METTL18: variants seen among roughly 807,000 people sequenced by gnomAD.
METTL18 encodes histidine protein methyltransferase 1 homolog.
Under a neutral mutation model 19.6 loss-of-function variants are expected in METTL18, and 15 were observed. That is an observed-to-expected ratio of 0.77 (90% confidence interval 0.51 to 1.18). The LOEUF (loss-of-function observed/expected upper bound fraction) is 1.18, where lower values mean the gene tolerates loss of function less well. Among genes scored for constraint, METTL18 ranks in the 50% most tolerant of loss-of-function variants. The pLI, the probability that METTL18 is intolerant of heterozygous loss-of-function variation, is 0.00. For synonymous variants in METTL18, 131 were observed against 145.2 expected, an observed-to-expected ratio of 0.90 and a Z score of 0.70; for missense variants, 392 against 418.8, an observed-to-expected ratio of 0.94 and a Z score of 0.56.
intron 1 of METTL18, among the ~76,000 whole-genome samples, chr1:169,794,404 G>A (rs1208021874): frequency 2.0e-5 from 3 of 152,168 alleles, no homozygotes; most frequent in African/African-American, 7.2e-5. Context: ...GTCGAGAACA[G>A]CAGCCCTAAG....
rs747599147 is a variant in METTL18, at chr1:169,793,016, G to T, written c.680C>A (p.Thr227Asn). 1 of 1,614,032 alleles carries T rather than the reference G, an allele frequency of 6.2e-7. No individual in the cohort carries two copies. The highest frequency in any genetic ancestry group is 8.5e-7 in the Non-Finnish European group (1 of 1,180,006). ...DYNSMVIDEV[T>N]LPNVVANSTL... ...GGAGTTAGCTACTACATTAGGTAAGGTTACTTCATCAATCACCATACTGTT... is the reference window on the plus strand; with the variant it reads ...GGAGTTAGCTACTACATTAGGTAAGTTTACTTCATCAATCACCATACTGTT... Residue 227 changes from threonine to asparagine, a missense_variant, in exon 2 of 2, where the codon ACC becomes AAC. By Grantham distance (65) the Thr-to-Asn change is moderately conservative (BLOSUM62 0). Transcript: ENST00000310392.
At position 169,792,722 on chromosome 1, in the gene METTL18, G is replaced by A. The variant is rs16862686; in HGVS notation, c.974C>T (p.Ala325Val). 3,150 of 1,613,792 alleles carry A rather than the reference G, an allele frequency of 2.0e-3. 42 individuals carry two copies. In the African/African-American group the frequency reaches 0.033, roughly 17 times the overall value. ...ACCTCCACCTACACCAAAATAATGT[G>A]CTTTGCTGGCCAAAAGTACACGTCC... The part of the protein sequence containing the change: ...KNGRVLLASK[A>V]HYFGVGGGVH... Residue 325 changes from alanine to valine, a missense_variant, in exon 2 of 2, where the codon GCA becomes GTA. By Grantham distance (64) the Ala-to-Val change is moderately conservative. Transcript: ENST00000310392.
chr1:169,792,836 T>C lies in METTL18; in HGVS notation c.860A>G (p.Tyr287Cys), dbSNP rs757576940. Residue 287 changes from tyrosine (Y) to cysteine (C), a missense_variant, in exon 2 of 2, where the codon TAT becomes TGT. By Grantham distance (194) the Tyr-to-Cys change is radical. Transcript: ENST00000310392. ...GGTTTCTGAGGTGAGAATGAGATCATATTTTACAAAAAGTTTTTCACTACT... is the reference window on the plus strand; with the variant it reads ...GGTTTCTGAGGTGAGAATGAGATCACATTTTACAAAAAGTTTTTCACTACT... ...VLSSEKLFVK[Y>C]DLILTSETIY... 6 of 1,613,792 alleles carry C rather than the reference T, an allele frequency of 3.7e-6. No homozygotes were observed. The highest frequency in any genetic ancestry group is 1.7e-5 in the Admixed American group (1 of 59,962).
In METTL18 at chr1:169,793,268, C is replaced by T. The variant is rs761039508; in HGVS notation, c.428G>A (p.Gly143Glu). The T allele has an allele frequency of 1.4e-5, 23 of 1,613,992 alleles. No individual in the cohort carries two copies. Among genetic ancestry groups the T allele is most frequent in the Non-Finnish European group, 1.9e-5 (22 of 1,180,030 alleles). The change falls in exon 2 of 2, where the codon GGA becomes GAA. Residue 143 changes from glycine to glutamate, a missense_variant. Gly to Glu is a moderately conservative substitution (Grantham distance 98). Coordinates refer to ENST00000310392, the MANE Select transcript of METTL18 (RefSeq NM_033418.4). Reference protein sequence around the residue: ...KTILLKENFPGENIVSKSFSS... With the variant: ...KTILLKENFPEENIVSKSFSS... ...AAAGCTTTTTGAAACTATGTTTTCT[C>T]CAGGGAAGTTCTCTTTCAACAAGAT...
At position 169,793,201 on chromosome 1, in the gene METTL18, G is replaced by A. The variant is rs1242002537; in HGVS notation, c.495C>T (p.Gly165=). Residue 165 remains glycine, a synonymous_variant, in exon 2 of 2, where the codon GGC becomes GGT. Transcript: ENST00000310392. The part of the protein sequence containing the change: ...SDLITGVYEG[G]LKIWECTFDL... ...CAAAGGTACATTCCCAGATTTTTAA[G>A]CCTCCCTCATAAACACCTGTAATCA... 1.9e-6 allele frequency: 3 copies of A among 1,614,008 alleles called. No individual in the cohort carries two copies. Among genetic ancestry groups the A allele is most frequent in the Non-Finnish European group, 1.7e-6 (2 of 1,180,036 alleles).
In METTL18 at chr1:169,794,900, G is replaced by T. The variant is rs1054402378; in HGVS notation, c.-288C>A. On this transcript the variant is annotated 5_prime_UTR_variant, in exon 1 of 2. Coordinates refer to ENST00000310392, the MANE Select transcript of METTL18 (RefSeq NM_033418.4). ...AACGCCTCCTCCGGACCTAAATCGC[G>T]CACCAGTGAGTCGAGTCCTCCAGGG... is the stretch of plus-strand genomic sequence containing the variant. 5.3e-6 allele frequency: 3 copies of T among 566,030 alleles called. No individual in the cohort carries two copies. The Admixed American group carries it at 9.1e-5, about 17-fold the overall frequency. The allele number at this position is 566,030 out of a possible 1,614,324, so 35.1% of individuals were successfully genotyped here.
Position 169,794,876 on chromosome 1 carries a change from A to G in METTL18, c.-264T>C, listed in dbSNP as rs1650400962. The G allele has an allele frequency of 3.7e-6, 2 of 540,286 alleles. No homozygotes were observed. The highest frequency in any genetic ancestry group is 3.1e-5 in the Admixed American group (1 of 32,172). The allele number at this position is 540,286 out of a possible 1,614,324, so 33.5% of individuals were successfully genotyped here. A position where few individuals can be genotyped will look rare whatever the true frequency, so the allele number is the denominator to read the frequency against. On this transcript the variant is annotated 5_prime_UTR_variant, in exon 1 of 2. Coordinates refer to ENST00000310392, the MANE Select transcript of METTL18 (RefSeq NM_033418.4). ...CGCTTCTGAAAAAGCTCACCTCACA[A>G]CGCCTCCTCCGGACCTAAATCGCGC...
At position 169,793,052 on chromosome 1, in the gene METTL18, A is replaced by C. The variant is rs1261442397; in HGVS notation, c.644T>G (p.Phe215Cys). Residue 215 changes from phenylalanine (F) to cysteine (C), a missense_variant, in exon 2 of 2, where the codon TTT becomes TGT. Coordinates refer to ENST00000310392, the MANE Select transcript of METTL18 (RefSeq NM_033418.4). ...AATCACCATACTGTTATAATCTTGA[A>C]AGTGAATTTCTTTGGACCCTCCCTT... The part of the protein sequence containing the change: ...AFKGGSKEIH[F>C]QDYNSMVIDE... 6.2e-7 allele frequency: 1 copy of C among 1,614,038 alleles called. No individual in the cohort carries two copies. Among genetic ancestry groups the C allele is most frequent in the African/African-American group, 1.3e-5 (1 of 74,926 alleles).
chr1:169,793,460 A>G lies in METTL18; in HGVS notation c.236T>C (p.Leu79Pro). The change falls in exon 2 of 2, where the codon CTC (leucine) becomes CCC (proline). Residue 79 changes from leucine (L) to proline (P), a missense_variant. Transcript: ENST00000310392. The stretch of plus-strand genomic sequence containing the variant: ...GTTCCTTGAACTGCTGGCTGCACTG[A>G]GTGGACTGTCTGTGTCTTGAGAGGG... ...AAPSQDTDSP[L>P]SAASSSRNLE... 6.2e-7 allele frequency: 1 copy of G among 1,614,150 alleles called. No individual in the cohort carries two copies. Among genetic ancestry groups the G allele is most frequent in the Non-Finnish European group, 8.5e-7 (1 of 1,180,010 alleles).
Position 169,793,046 on chromosome 1 carries a change from T to C in METTL18, c.650A>G (p.Asp217Gly), listed in dbSNP as rs775410309. 3.1e-6 allele frequency: 5 copies of C among 1,614,194 alleles called. No individual in the cohort carries two copies. Among genetic ancestry groups the C allele is most frequent in the Non-Finnish European group, 4.2e-6 (5 of 1,180,028 alleles). The part of the protein sequence containing the change: ...KGGSKEIHFQ[D>G]YNSMVIDEVT... ...TTCATCAATCACCATACTGTTATAA[T>C]CTTGAAAGTGAATTTCTTTGGACCC... The change falls in exon 2 of 2, where the codon GAT becomes GGT. Residue 217 changes from aspartate (D) to glycine (G), a missense_variant. Asp to Gly is a moderately conservative substitution (Grantham distance 94). Transcript: ENST00000310392.
At position 169,793,372 on chromosome 1, in the gene METTL18, A is replaced by C. The variant is rs760951087; in HGVS notation, c.324T>G (p.Asp108Glu). The part of the protein sequence containing the change: ...RAAKEHAMPK[D>E]LKKMLENKVI... Reference sequence around the variant, plus strand: ...CTTTATTTTCTAACATCTTCTTTAAATCTTTAGGCATAGCATGCTCTTTGG... The same window carrying C: ...CTTTATTTTCTAACATCTTCTTTAACTCTTTAGGCATAGCATGCTCTTTGG... The change falls in exon 2 of 2, where the codon GAT (aspartate) becomes GAG (glutamate). Residue 108 changes from aspartate to glutamate, a missense_variant. Transcript: ENST00000310392. 2 of 1,614,158 alleles carry C rather than the reference A, an allele frequency of 1.2e-6. No homozygotes were observed. Among genetic ancestry groups the C allele is most frequent in the Non-Finnish European group, 1.7e-6 (2 of 1,180,012 alleles).
chr1:169,794,270 TCACTTCTGTCTTTTACAGAAGAGGTG>T (rs1340175523), intron 1 of METTL18, among the ~76,000 whole-genome samples: 2 of 152,270 alleles, frequency 1.3e-5, no homozygotes, highest in East Asian at 3.9e-4. Context: ...CAGAATAACT[TCACTTCTGTCTTTTACAGAAGAGGTG>T]CAGTATTTTA....
In METTL18 at chr1:169,793,024, A is replaced by T. The variant is rs1289030059; in HGVS notation, c.672T>A (p.Asp224Glu). The T allele has an allele frequency of 6.2e-7, 1 of 1,614,134 alleles. No individual in the cohort carries two copies. Among genetic ancestry groups the T allele is most frequent in the East Asian group, 2.2e-5 (1 of 44,874 alleles). Residue 224 changes from aspartate to glutamate, a missense_variant, in exon 2 of 2, where the codon GAT becomes GAA. Asp to Glu is a conservative substitution (Grantham distance 45, BLOSUM62 2). Coordinates refer to ENST00000310392, the MANE Select transcript of METTL18 (RefSeq NM_033418.4). The stretch of plus-strand genomic sequence containing the variant: ...CTACTACATTAGGTAAGGTTACTTC[A>T]TCAATCACCATACTGTTATAATCTT... Reference protein sequence around the residue: ...HFQDYNSMVIDEVTLPNVVAN... With the variant: ...HFQDYNSMVIEEVTLPNVVAN...
Position 169,792,584 on chromosome 1 carries a change from G to A in METTL18, c.1112C>T (p.Pro371Leu). ...RFIIEITFKF[P>L]G is the part of the protein sequence containing the mutation. The stretch of plus-strand genomic sequence containing the variant: ...ATACTCAGTGAATGTTAATTAACCA[G>A]GAAACTTAAAAGTTATTTCAATTAT... Residue 371 changes from proline to leucine, a missense_variant, in exon 2 of 2, where the codon CCT becomes CTT. Transcript: ENST00000310392. 3 of 1,531,322 alleles carry A rather than the reference G, an allele frequency of 2.0e-6. No homozygotes were observed. The highest frequency in any genetic ancestry group is 2.6e-6 in the Non-Finnish European group (3 of 1,144,380). The allele number at this position is 1,531,322 out of a possible 1,614,324, so 94.9% of individuals were successfully genotyped here.
intron 1 of METTL18, among the ~76,000 whole-genome samples, chr1:169,794,374 G>C (rs988199375): frequency 6.6e-6 from 1 of 152,106 alleles, no homozygotes; most frequent in Non-Finnish European, 1.5e-5. Context: ...ATTCATCCAA[G>C]ACTTCACTCC....
At chr1:169,793,983 A>G in intron 1 of METTL18, 86 bp from the exon 2 acceptor site, 1 of 261,704 alleles carries the variant, frequency 3.8e-6, no homozygotes. Flanking sequence ...TTAAACAGCC[A>G]CCCCCACCCC....
chr1:169,793,500 T>C lies in METTL18; in HGVS notation c.196A>G (p.Met66Val), dbSNP rs746162129. 6.2e-7 allele frequency: 1 copy of C among 1,614,180 alleles called. No homozygotes were observed. Among genetic ancestry groups the C allele is most frequent in the African/African-American group, 1.3e-5 (1 of 75,056 alleles). The change falls in exon 2 of 2, where the codon ATG (methionine) becomes GTG (valine). Residue 66 changes from methionine to valine, a missense_variant. Transcript: ENST00000310392. Reference sequence around the variant, plus strand: ...TCTTGAGAGGGAGCTGCATTTTCCATTGACTTATGTTCCCACAAGTGATCC... The same window carrying C: ...TCTTGAGAGGGAGCTGCATTTTCCACTGACTTATGTTCCCACAAGTGATCC... ...PQDHLWEHKS[M>V]ENAAPSQDTD...
At chr1:169,794,255 G>A (rs1286461091) in intron 1 of METTL18, among the ~76,000 whole-genome samples, 2 of 152,130 alleles carry the variant, frequency 1.3e-5, no homozygotes, top group Non-Finnish European at 2.9e-5. Context: ...CACCCCCTAA[G>A]CTTCCAGAAT....
At position 169,792,801 on chromosome 1, in the gene METTL18, G is replaced by A; in HGVS notation, c.895C>T (p.Pro299Ser). The change falls in exon 2 of 2, where the codon CCA becomes TCA. Residue 299 changes from proline to serine, a missense_variant. Pro to Ser is a moderately conservative substitution (Grantham distance 74). Transcript: ENST00000310392. ...TGGTGCAAATTACTATAATAATCTG[G>A]GTTGTAAATGGTTTCTGAGGTGAGA... ...LILTSETIYN[P>S]DYYSNLHQTF... The A allele has an allele frequency of 1.2e-6, 2 of 1,613,038 alleles. No homozygotes were observed. Among genetic ancestry groups the A allele is most frequent in the Non-Finnish European group, 1.7e-6 (2 of 1,179,738 alleles).
Sources: gnomAD v4.1 joint callset for allele counts (sites outside exome capture counted in the v4.1 genomes callset) on GRCh38, gnomAD v4.1.1 for gene constraint, MANE v1.5 for transcripts, NCBI Gene and HGNC (gene_info 2026-07-23, HGNC 2026-07-21) for gene names.